The following GALNT13 variants were observed in gnomAD, a reference collection of about 807,000 sequenced individuals.
The protein encoded by GALNT13 is polypeptide N-acetylgalactosaminyltransferase 13, also known as UDP-GalNAc:polypeptide N-acetylgalactosaminyltransferase 13.
A neutral mutation model predicts 64.2 loss-of-function variants in GALNT13; 28 were observed. That is an observed-to-expected ratio of 0.44 (90% CI 0.32 to 0.60). The LOEUF (loss-of-function observed/expected upper bound fraction) is 0.60, where lower values mean the gene tolerates loss of function less well. Among genes scored for constraint, GALNT13 ranks in the 20% least tolerant of loss-of-function variants. The pLI, the probability that GALNT13 is intolerant of heterozygous loss-of-function variation, is 0.05. For synonymous variants in GALNT13, 214 were observed against 224.6 expected, an observed-to-expected ratio of 0.95 and a Z score of 0.42; for missense variants, 577 against 669.8, an observed-to-expected ratio of 0.86 and a Z score of 1.53.
At chr2:153,538,932 G>T in the GALNT13 span, among the ~76,000 whole-genome samples, 5 of 66,480 alleles carry the variant, frequency 7.5e-5, no homozygotes, top group African/African-American at 4.1e-4. Flanking sequence ...GGGTCAAATG[G>T]TATTTCTAGT....
the GALNT13 span, among the ~76,000 whole-genome samples, chr2:153,451,745 A>G: frequency 6.6e-6 from 1 of 152,218 alleles, no homozygotes; most frequent in African/African-American, 2.4e-5. Flanking sequence ...GAAATGGGAA[A>G]TAGTGTCCCC....
the GALNT13 span, among the ~76,000 whole-genome samples, chr2:153,371,492 A>G: frequency 6.6e-6 from 1 of 152,196 alleles, no homozygotes; most frequent in Non-Finnish European, 1.5e-5. Flanking sequence ...GTACAATGTC[A>G]AAACTAAAAA....
intron 3 of GALNT13, among the ~76,000 whole-genome samples, chr2:153,981,055 G>T (rs931312947): frequency 2.0e-5 from 3 of 151,848 alleles, no homozygotes; most frequent in Non-Finnish European, 4.4e-5. Flanking sequence ...AAATAGTGAG[G>T]TATCTCAGTT....
intron 4 of GALNT13, among the ~76,000 whole-genome samples, chr2:154,223,933 A>C (rs1688454855): frequency 6.6e-6 from 1 of 152,126 alleles, no homozygotes; most frequent in South Asian, 2.1e-4. Context: ...AGGAGTTGAC[A>C]TATGGAGATT....
the GALNT13 span, among the ~76,000 whole-genome samples, chr2:153,226,207 C>T: frequency 6.6e-6 from 1 of 151,906 alleles, no homozygotes; most frequent in East Asian, 1.9e-4. Flanking sequence ...GCTGGGATTA[C>T]AGGTGTGAGC....
chr2:154,192,363 G>A (rs932040404), intron 4 of GALNT13, among the ~76,000 whole-genome samples: 8 of 152,108 alleles, frequency 5.3e-5, no homozygotes, highest in African/African-American at 1.9e-4. Context: ...CCTCACCTAG[G>A]TCTGCGGGTC....
chr2:153,171,990 G>A, the GALNT13 span: 1 of 152,168 alleles, frequency 6.6e-6, no homozygotes, highest in Non-Finnish European at 1.5e-5. Flanking sequence ...GTAGAAGAAG[G>A]TTATAACATG....
chr2:153,414,788 T>C, the GALNT13 span, among the ~76,000 whole-genome samples: 1 of 152,182 alleles, frequency 6.6e-6, no homozygotes, highest in Non-Finnish European at 1.5e-5. Flanking sequence ...GAAAATATAC[T>C]CCTATTCTCA....
At chr2:153,361,369 A>G in the GALNT13 span, among the ~76,000 whole-genome samples, 25,083 of 151,998 alleles carry the variant, frequency 0.17, 2,198 homozygotes, top group South Asian at 0.25. Flanking sequence ...AGGATGAGAT[A>G]AATGAATTGA....
chr2:153,871,427 T>A (rs1027691876), upstream of GALNT13, among the ~76,000 whole-genome samples: 4 of 152,068 alleles, frequency 2.6e-5, no homozygotes, highest in African/African-American at 9.7e-5. Flanking sequence ...AAGCGTCAAG[T>A]ACCCCGCAGC....
At chr2:153,820,296 C>A in the GALNT13 span, among the ~76,000 whole-genome samples, 2 of 152,090 alleles carry the variant, frequency 1.3e-5, no homozygotes, top group Non-Finnish European at 2.9e-5. Flanking sequence ...AAGTAAACAA[C>A]TTGAAAAACA....
the GALNT13 span, chr2:153,201,840 A>G: frequency 6.6e-6 from 1 of 152,138 alleles, no homozygotes; most frequent in African/African-American, 2.4e-5. Flanking sequence ...TCCCTATGGG[A>G]AGCAGTTCAT....
intron 4 of GALNT13, among the ~76,000 whole-genome samples, chr2:154,147,122 T>C (rs1683653412): frequency 6.6e-6 from 1 of 151,972 alleles, no homozygotes; most frequent in South Asian, 2.1e-4. Flanking sequence ...ATCTTTAGCA[T>C]TATTTTCATT....
the GALNT13 span, among the ~76,000 whole-genome samples, chr2:153,217,010 CT>C: frequency 2.0e-5 from 3 of 151,836 alleles, no homozygotes; most frequent in Non-Finnish European, 2.9e-5. Flanking sequence ...ATTTTTTCCT[CT>C]CTTTTTTGTG....
intron 1 of GALNT13, among the ~76,000 whole-genome samples, chr2:153,879,495 A>G (rs1200221378): frequency 6.6e-6 from 1 of 151,472 alleles, no homozygotes; most frequent in Non-Finnish European, 1.5e-5. Context: ...CTCCCAAGTA[A>G]CTAGGACTAC....
chr2:153,585,896 G>T, the GALNT13 span, among the ~76,000 whole-genome samples: 1,036 of 152,174 alleles, frequency 6.8e-3, 9 homozygotes, highest in African/African-American at 0.023. Context: ...CATAAATAAA[G>T]AAGAAATAAA....
At chr2:153,699,069 C>T in the GALNT13 span, among the ~76,000 whole-genome samples, 1 of 152,022 alleles carries the variant, frequency 6.6e-6, no homozygotes, top group Non-Finnish European at 1.5e-5. Context: ...CTAAAAATTA[C>T]AAAAATTTTC....
intron 9 of GALNT13, among the ~76,000 whole-genome samples, chr2:154,363,760 A>G (rs1186245922): frequency 6.6e-6 from 1 of 152,214 alleles, no homozygotes; most frequent in African/African-American, 2.4e-5. Context: ...TGCCTTCCAC[A>G]TCATGTTTAT....
At chr2:153,506,883 G>GATC in the GALNT13 span, among the ~76,000 whole-genome samples, 1 of 152,174 alleles carries the variant, frequency 6.6e-6, no homozygotes, top group Non-Finnish European at 1.5e-5. Flanking sequence ...TGGATGTCTA[G>GATC]ATCACCAGCA....
Sources: gnomAD v4.1 joint callset for allele counts (sites outside exome capture counted in the v4.1 genomes callset) on GRCh38, gnomAD v4.1.1 for gene constraint, MANE v1.5 for transcripts, NCBI Gene and HGNC (gene_info 2026-07-23, HGNC 2026-07-21) for gene names.